Variants in TMPRSS11D observed in about 807,000 individuals in gnomAD.
TMPRSS11D encodes the protein transmembrane serine protease 11D, also known as transmembrane protease serine 11D.
In TMPRSS11D, 32 loss-of-function variants were observed where a neutral mutation model predicts 44.4. That is an observed-to-expected ratio of 0.72 (90% CI 0.54 to 0.97). The LOEUF is 0.97. TMPRSS11D is among the 50% of genes least tolerant of loss of function. The probability of loss-of-function intolerance (pLI) is 0.00; values close to 1 mark genes in which losing one functional copy is unlikely to be tolerated. For synonymous variants in TMPRSS11D, 179 were observed against 177.9 expected (o/e 1.01, Z -0.05); for missense variants, 446 against 502.6 (o/e 0.89, Z 1.08).
intron 3 of TMPRSS11D, among the ~76,000 whole-genome samples, chr4:67,848,726 AG>A (rs1718423938): frequency 1.3e-5 from 2 of 152,190 alleles, no homozygotes; most frequent in Admixed American, 1.3e-4. Context: ...CACAGTCCTG[AG>A]GTGGGAGGAA....
chr4:67,853,797 T>TA (rs1164664777), intron 3 of TMPRSS11D, among the ~76,000 whole-genome samples: 1 of 152,162 alleles, frequency 6.6e-6, no homozygotes, highest in Non-Finnish European at 1.5e-5. Flanking sequence ...ATTAAACAAA[T>TA]AAAAAACTTT....
Position 67,833,370 on chromosome 4 carries a change from C to G in TMPRSS11D, c.526G>C (p.Gly176Arg), listed in dbSNP as rs376245737. 1 of 1,517,590 alleles carries G rather than the reference C, an allele frequency of 6.6e-7. No individual in the cohort carries two copies. Among genetic ancestry groups the G allele is most frequent in the African/African-American group, 1.4e-5 (1 of 70,546 alleles). 94.0% of individuals were successfully genotyped at this position (1,517,590 alleles called of 1,614,324 possible). A position where few individuals can be genotyped will look rare whatever the true frequency, so the allele number is the denominator to read the frequency against. ...TCAGACAATGTTATTAGGTCTGGAC[C>G]GGCCCCACATTCTAATGAGAAAGGG... is the stretch of plus-strand genomic sequence containing the variant. ...ANWLINECGA[G>R]PDLITLSEQR... Residue 176 changes from glycine (G) to arginine (R), a missense_variant, in exon 7 of 10, where the codon GGT (glycine) becomes CGT (arginine). Physicochemically the swap from Gly to Arg is moderately radical, Grantham distance 125 (BLOSUM62 -2). Coordinates refer to ENST00000283916, the MANE Select transcript of TMPRSS11D (RefSeq NM_004262.3).
chr4:67,822,264 G>A lies in TMPRSS11D; in HGVS notation c.*73C>T. On this transcript the variant is annotated 3_prime_UTR_variant, in exon 10 of 10. Coordinates refer to ENST00000283916, the MANE Select transcript of TMPRSS11D (RefSeq NM_004262.3). ...GACATTTCTAGTTTCTTTTTCAGTT[G>A]AAATGTAAAGCTTTGGAATTTAAGA... 2.0e-6 allele frequency: 3 copies of A among 1,499,430 alleles called. No homozygotes were observed. Among genetic ancestry groups the A allele is most frequent in the Admixed American group, 3.9e-5 (2 of 51,674 alleles). 92.9% of individuals were successfully genotyped at this position (1,499,430 alleles called of 1,614,324 possible). A position where few individuals can be genotyped will look rare whatever the true frequency, so the allele number is the denominator to read the frequency against.
At chr4:67,872,045 AG>A (rs1342393164) in intron 1 of TMPRSS11D, among the ~76,000 whole-genome samples, 2 of 152,166 alleles carry the variant, frequency 1.3e-5, no homozygotes, top group African/African-American at 4.8e-5. Context: ...GATTAATGTT[AG>A]TTAGGGATAG....
chr4:67,855,730 C>T (rs1179538639), intron 2 of TMPRSS11D, among the ~76,000 whole-genome samples: 2 of 152,020 alleles, frequency 1.3e-5, no homozygotes, highest in African/African-American at 4.8e-5. Context: ...AAAATGCATT[C>T]AAATTGGAAA....
At chr4:67,883,849 TA>T in intron 1 of TMPRSS11D, 76 bp downstream of exon 1, 1 of 1,283,556 alleles carries the variant, frequency 7.8e-7, no homozygotes, top group Non-Finnish European at 1.1e-6. Context: ...CAAAATTTGC[TA>T]AGCTTCTTTA....
chr4:67,861,960 A>G (rs1231022323), intron 1 of TMPRSS11D, among the ~76,000 whole-genome samples: 1 of 152,178 alleles, frequency 6.6e-6, no homozygotes, highest in Non-Finnish European at 1.5e-5. Context: ...ATGTTTGTAA[A>G]CACTGAATTT....
Position 67,870,042 on chromosome 4 carries a change from T to A in TMPRSS11D, c.9-10364A>T, listed in dbSNP as rs1719020374. Reference sequence around the variant, plus strand: ...AGCTACCCTACCTGTGGTGCTACACTGATCACCCACTAAGGACTTCATGCT... The same window carrying A: ...AGCTACCCTACCTGTGGTGCTACACAGATCACCCACTAAGGACTTCATGCT... On this transcript the variant is annotated intron_variant, in intron 1 of 9. Transcript: ENST00000283916. 4.6e-5 allele frequency among the ~76,000 whole-genome samples: 7 copies of A among 152,348 alleles called. 1 individual carries two copies. In the South Asian group the frequency reaches 1.4e-3, roughly 32 times the overall value.
chr4:67,880,582 A>G lies in TMPRSS11D; in HGVS notation c.8+3344T>C, dbSNP rs189778728. Among the ~76,000 whole-genome samples the G allele has an allele frequency of 2.8e-3, 420 of 152,204 alleles. 1 individual carries two copies. Among genetic ancestry groups the G allele is most frequent in the Middle Eastern group, 0.014 (4 of 294 alleles). On this transcript the variant is annotated intron_variant, in intron 1 of 9. Coordinates refer to ENST00000283916, the MANE Select transcript of TMPRSS11D (RefSeq NM_004262.3). Reference sequence around the variant, plus strand: ...AAGAAGTAAACTTGTCAGAATAAAAACTTGTCTAGTTTAGGAAAAATATAC... The same window carrying G: ...AAGAAGTAAACTTGTCAGAATAAAAGCTTGTCTAGTTTAGGAAAAATATAC...
At chr4:67,868,560 G>C (rs551140073) in intron 1 of TMPRSS11D, among the ~76,000 whole-genome samples, 34 of 152,314 alleles carry the variant, frequency 2.2e-4, no homozygotes, top group Non-Finnish European at 3.4e-4. Context: ...GAAGAAACGG[G>C]AACAGAAGAG....
chr4:67,877,321 G>C (rs1719215597), intron 1 of TMPRSS11D, among the ~76,000 whole-genome samples: 1 of 152,080 alleles, frequency 6.6e-6, no homozygotes, highest in South Asian at 2.1e-4. Flanking sequence ...GTGTGCGTAA[G>C]AATTACTTGA....
intron 2 of TMPRSS11D, among the ~76,000 whole-genome samples, chr4:67,856,101 A>G (rs1246999097): frequency 6.6e-6 from 1 of 152,196 alleles, no homozygotes; most frequent in Non-Finnish European, 1.5e-5. Flanking sequence ...CCCTATCAAA[A>G]TACCAACATC....
In TMPRSS11D at chr4:67,827,315, T is replaced by C. The variant is rs765287979; in HGVS notation, c.898A>G (p.Ile300Val). 5.2e-5 allele frequency: 84 copies of C among 1,613,130 alleles called. 1 individual carries two copies. In the South Asian group the frequency reaches 8.9e-4, roughly 17 times the overall value. Residue 300 changes from isoleucine to valine, a missense_variant, in exon 8 of 10, where the codon ATT becomes GTT. Coordinates refer to ENST00000283916, the MANE Select transcript of TMPRSS11D (RefSeq NM_004262.3). Reference sequence around the variant, plus strand: ...ACATAAGCAGTAGAGCCAGGTGGAATATTCTGGGTAGCAGCTGGGAGACAC... The same window carrying C: ...ACATAAGCAGTAGAGCCAGGTGGAACATTCTGGGTAGCAGCTGGGAGACAC... Reference protein sequence around the residue: ...SVCLPAATQNIPPGSTAYVTG... With the variant: ...SVCLPAATQNVPPGSTAYVTG...
chr4:67,825,166 T>C lies in TMPRSS11D; in HGVS notation c.1095+566A>G, dbSNP rs192178873. Among the ~76,000 whole-genome samples the C allele has an allele frequency of 2.8e-3, 425 of 152,090 alleles. 3 individuals carry two copies. The highest frequency in any genetic ancestry group is 9.6e-3 in the African/African-American group (398 of 41,560). ...ACTAGGATTTTGTATAAATTTTCTA[T>C]CTTCAAGGAGTCCATGAATTATTAC... On this transcript the variant is annotated intron_variant, in intron 9 of 9. Transcript: ENST00000283916.
At chr4:67,825,933 A>T in intron 8 of TMPRSS11D, 59 bp from the exon 9 acceptor site, 1 of 1,460,334 alleles carries the variant, frequency 6.8e-7, no homozygotes, top group Admixed American at 2.2e-5. Context: ...TATTGACCCT[A>T]TAATAAATTT....
intron 2 of TMPRSS11D, among the ~76,000 whole-genome samples, chr4:67,858,172 C>T (rs529220731): frequency 2.0e-5 from 3 of 152,072 alleles, no homozygotes; most frequent in Non-Finnish European, 4.4e-5. Context: ...TTCTTTTGAT[C>T]GTTCATATGC....
At chr4:67,848,441 A>G (rs1462736910) in intron 3 of TMPRSS11D, among the ~76,000 whole-genome samples, 1 of 152,198 alleles carries the variant, frequency 6.6e-6, no homozygotes, top group East Asian at 1.9e-4. Flanking sequence ...TCTGTCAGGT[A>G]TTGGAATACA....
chr4:67,842,456 A>G, intron 4 of TMPRSS11D, 102 bp downstream of exon 4: 2 of 1,088,544 alleles, frequency 1.8e-6, no homozygotes, highest in Middle Eastern at 3.0e-4. Context: ...TAATATTACA[A>G]CAACTTATCT....
chr4:67,827,136 A>C, intron 8 of TMPRSS11D, 125 bp downstream of exon 8: 1 of 1,303,456 alleles, frequency 7.7e-7, no homozygotes, highest in Non-Finnish European at 1.0e-6. Flanking sequence ...GCTGAGCAGA[A>C]TATAGAATGG....
Sources: gnomAD v4.1 joint callset for allele counts (sites outside exome capture counted in the v4.1 genomes callset) on GRCh38, gnomAD v4.1.1 for gene constraint, MANE v1.5 for transcripts, NCBI Gene and HGNC (gene_info 2026-07-23, HGNC 2026-07-21) for gene names.